DLGAP1: variants seen among roughly 807,000 people sequenced by gnomAD.
DLGAP1 encodes DLG associated protein 1.
A neutral mutation model predicts 90.8 loss-of-function variants in DLGAP1; 11 were observed. The observed-to-expected ratio is 0.12, with a 90% CI of 0.08 to 0.20. The LOEUF (loss-of-function observed/expected upper bound fraction) is 0.20, where lower values mean the gene tolerates loss of function less well. DLGAP1 is among the 10% of genes least tolerant of loss of function. DLGAP1 has a pLI of 1.00. For synonymous variants in DLGAP1, 558 were observed against 540.7 expected (o/e 1.03, Z -0.44); for missense variants, 1,050 against 1,333.8 (o/e 0.79, Z 3.31).
At chr18:4,113,330 T>C (rs1598422789) in intron 2 of DLGAP1, among the ~76,000 whole-genome samples, 1 of 152,216 alleles carries the variant, frequency 6.6e-6, no homozygotes, top group African/African-American at 2.4e-5. Flanking sequence ...TATCTCATTG[T>C]GGTTTTGATT....
At chr18:4,011,374 TA>T (rs951116929) in intron 2 of DLGAP1, among the ~76,000 whole-genome samples, 3 of 151,948 alleles carry the variant, frequency 2.0e-5, no homozygotes, top group Non-Finnish European at 4.4e-5. Context: ...TTGATGTAGG[TA>T]AAAGGCTGTT....
At chr18:3,640,389 G>A (rs1446690181) in intron 7 of DLGAP1, among the ~76,000 whole-genome samples, 1 of 152,180 alleles carries the variant, frequency 6.6e-6, no homozygotes, top group Non-Finnish European at 1.5e-5. Context: ...TACCATCTTC[G>A]AAAGCACTTC....
chr18:3,911,043 G>A (rs970924896), intron 3 of DLGAP1, among the ~76,000 whole-genome samples: 5 of 152,262 alleles, frequency 3.3e-5, no homozygotes, highest in Middle Eastern at 3.4e-3. Context: ...CTCCAGCTGC[G>A]AGTTGAGAAA....
At chr18:3,553,323 AGT>A (rs1389318540) in intron 9 of DLGAP1, among the ~76,000 whole-genome samples, 1 of 152,192 alleles carries the variant, frequency 6.6e-6, no homozygotes, top group African/African-American at 2.4e-5. Flanking sequence ...TCGTGGAAAA[AGT>A]GTGGGTAAAA....
intron 2 of DLGAP1, among the ~76,000 whole-genome samples, chr18:4,122,290 A>G (rs1021601635): frequency 3.9e-5 from 6 of 152,252 alleles, no homozygotes; most frequent in Non-Finnish European, 5.9e-5. Flanking sequence ...GCATGGTTAC[A>G]GTTCAGTCAT....
intron 7 of DLGAP1, among the ~76,000 whole-genome samples, chr18:3,652,955 T>C (rs2059365687): frequency 6.6e-6 from 1 of 152,182 alleles, no homozygotes; most frequent in Non-Finnish European, 1.5e-5. Context: ...ACCACTTCGG[T>C]TGGACCAAGA....
At chr18:3,944,633 AC>A (rs2148954315) in intron 3 of DLGAP1, among the ~76,000 whole-genome samples, 1 of 152,374 alleles carries the variant, frequency 6.6e-6, no homozygotes, top group East Asian at 1.9e-4. Flanking sequence ...ACTGACAGAT[AC>A]CGCTTCTAGG....
intron 3 of DLGAP1, among the ~76,000 whole-genome samples, chr18:3,890,276 AC>A (rs2071426314): frequency 6.6e-6 from 1 of 152,174 alleles, no homozygotes; most frequent in South Asian, 2.1e-4. Flanking sequence ...TTATACATTC[AC>A]TTTTTGAAAA....
intron 7 of DLGAP1, among the ~76,000 whole-genome samples, chr18:3,629,674 AAAATAAATAAAT>A (rs747295829): frequency 6.6e-6 from 1 of 151,950 alleles, no homozygotes; most frequent in Non-Finnish European, 1.5e-5. Context: ...TCTGTCTCAA[AAAATAAATAAAT>A]AAATAAATAA....
rs568418202 is a variant in DLGAP1 at position 4,437,575 on chromosome 18, T to A, written c.-267+17431A>T. On this transcript the variant is annotated intron_variant, in intron 1 of 12. Transcript: ENST00000315677. Reference sequence around the variant, plus strand: ...AATGATGACAAGAAAAAAAAGTTTGTCCATGTTCAGTACAGATGCAAATTT... The same window carrying A: ...AATGATGACAAGAAAAAAAAGTTTGACCATGTTCAGTACAGATGCAAATTT... Among the ~76,000 whole-genome samples, 7 of 152,330 alleles carry A rather than the reference T, an allele frequency of 4.6e-5. No homozygotes were observed. In the South Asian group the frequency reaches 1.5e-3, roughly 32 times the overall value.
intron 2 of DLGAP1, among the ~76,000 whole-genome samples, chr18:4,117,590 CT>C (rs1412238464): frequency 6.6e-6 from 1 of 152,202 alleles, no homozygotes; most frequent in Non-Finnish European, 1.5e-5. Context: ...CTTAAGACCG[CT>C]TAGCCAGTTC....
intron 7 of DLGAP1, among the ~76,000 whole-genome samples, chr18:3,674,294 A>AT (rs1555623961): frequency 1.7e-4 from 7 of 42,264 alleles, no homozygotes; most frequent in Non-Finnish European, 3.3e-4. Flanking sequence ...CTATAATATT[A>AT]AAATATATAT....
At chr18:3,636,600 G>C (rs1012085046) in intron 7 of DLGAP1, among the ~76,000 whole-genome samples, 2 of 149,422 alleles carry the variant, frequency 1.3e-5, no homozygotes, top group African/African-American at 4.9e-5. Flanking sequence ...TTTTTTAGTA[G>C]AGATGGGATT....
intron 1 of DLGAP1, among the ~76,000 whole-genome samples, chr18:4,345,643 A>G (rs2081289293): frequency 1.3e-5 from 2 of 152,202 alleles, no homozygotes; most frequent in South Asian, 4.1e-4. Context: ...ACTTGCACTA[A>G]ATGTTAGCTC....
At chr18:3,581,761 T>C (rs948704792) in intron 8 of DLGAP1, 114 bp downstream of exon 8, 3 of 1,371,258 alleles carry the variant, frequency 2.2e-6, no homozygotes, top group East Asian at 4.6e-5. Context: ...TCTGGTCCTA[T>C]GCATAGATCT....
chr18:4,238,415 TAAGTC>T (rs2078462974), intron 1 of DLGAP1, among the ~76,000 whole-genome samples: 2 of 152,220 alleles, frequency 1.3e-5, no homozygotes, highest in Admixed American at 1.3e-4. Flanking sequence ...CTTTTTAATT[TAAGTC>T]AATTTGACAA....
At chr18:3,802,141 T>A (rs144507897) in intron 5 of DLGAP1, among the ~76,000 whole-genome samples, 1 of 152,104 alleles carries the variant, frequency 6.6e-6, no homozygotes. Context: ...TGTGCCACCA[T>A]GCCTGGCTAA....
chr18:4,288,842 C>T (rs939407863), intron 1 of DLGAP1, among the ~76,000 whole-genome samples: 2 of 151,922 alleles, frequency 1.3e-5, no homozygotes, highest in African/African-American at 2.4e-5. Flanking sequence ...ATTTGATTCG[C>T]ATAACAGGTT....
chr18:3,826,532 C>T (rs1478470322), intron 4 of DLGAP1, among the ~76,000 whole-genome samples: 3 of 152,090 alleles, frequency 2.0e-5, no homozygotes, highest in Non-Finnish European at 2.9e-5. Flanking sequence ...GTGCTCAAGG[C>T]ACAAAGAAGC....
Sources: gnomAD v4.1 joint callset for allele counts (sites outside exome capture counted in the v4.1 genomes callset) on GRCh38, gnomAD v4.1.1 for gene constraint, MANE v1.5 for transcripts, NCBI Gene and HGNC (gene_info 2026-07-23, HGNC 2026-07-21) for gene names.